Variants in CHRM3 observed in about 807,000 individuals in gnomAD.
CHRM3 encodes cholinergic receptor muscarinic 3.
A neutral mutation model predicts 41.8 loss-of-function variants in CHRM3; 11 were observed. The ratio of observed to expected loss-of-function variants is 0.26; its 90% CI spans 0.17 to 0.44. The LOEUF (loss-of-function observed/expected upper bound fraction) is 0.44, where lower values mean the gene tolerates loss of function less well. Among genes scored for constraint, CHRM3 ranks in the 20% least tolerant of loss-of-function variants. The probability of loss-of-function intolerance (pLI) is 1.00; values close to 1 mark genes in which losing one functional copy is unlikely to be tolerated. For synonymous variants in CHRM3, 297 were observed against 301.4 expected, an observed-to-expected ratio of 0.99 and a Z score of 0.15; for missense variants, 571 against 745.4, an observed-to-expected ratio of 0.77 and a Z score of 2.72.
At chr1:239,627,947 A>G (rs1669197004) in intron 3 of CHRM3, among the ~76,000 whole-genome samples, 1 of 140,712 alleles carries the variant, frequency 7.1e-6, no homozygotes, top group Non-Finnish European at 1.5e-5. Flanking sequence ...TTTTTCCTTC[A>G]TTTCAACTTT....
chr1:239,596,009 A>G (rs1044056473), intron 3 of CHRM3, among the ~76,000 whole-genome samples: 6 of 152,216 alleles, frequency 3.9e-5, no homozygotes, highest in Admixed American at 3.9e-4. Context: ...AATCAAAGCA[A>G]AACAAAATCC....
chr1:239,539,817 A>T (rs1400005493), intron 2 of CHRM3, among the ~76,000 whole-genome samples: 29 of 151,998 alleles, frequency 1.9e-4, no homozygotes, highest in Non-Finnish European at 1.5e-5. Flanking sequence ...GGGTTTTGCC[A>T]TGTTGCCCAA....
intron 3 of CHRM3, among the ~76,000 whole-genome samples, chr1:239,618,370 GCAGCTT>G (rs1186853829): frequency 1.4e-5 from 2 of 147,136 alleles, no homozygotes; most frequent in Admixed American, 6.9e-5. Flanking sequence ...AGAGGCTGAT[GCAGCTT>G]CAGTCATGGG....
intron 3 of CHRM3, among the ~76,000 whole-genome samples, chr1:239,557,845 T>C (rs545847766): frequency 8.1e-4 from 124 of 152,326 alleles, no homozygotes; most frequent in Non-Finnish European, 1.4e-3. Context: ...TAGTATTCCA[T>C]GGTGCATATG....
At chr1:239,401,327 C>A (rs916420733) in intron 1 of CHRM3, among the ~76,000 whole-genome samples, 11 of 152,156 alleles carry the variant, frequency 7.2e-5, no homozygotes, top group African/African-American at 2.7e-4. Flanking sequence ...CTTCTTCCTC[C>A]CACACTGGCA....
At chr1:239,652,822 T>G (rs994278516) in intron 4 of CHRM3, among the ~76,000 whole-genome samples, 1 of 151,420 alleles carries the variant, frequency 6.6e-6, no homozygotes, top group Non-Finnish European at 1.5e-5. Context: ...TCTCATAAAG[T>G]CGTGAAAACC....
chr1:239,698,318 A>C (rs773424538), intron 5 of CHRM3, among the ~76,000 whole-genome samples: 3 of 152,212 alleles, frequency 2.0e-5, no homozygotes, highest in Non-Finnish European at 4.4e-5. Flanking sequence ...ATTAGTCTAC[A>C]AGGAAATATT....
intron 5 of CHRM3, among the ~76,000 whole-genome samples, chr1:239,810,829 T>C (rs181832004): frequency 6.6e-6 from 1 of 152,352 alleles, no homozygotes; most frequent in Non-Finnish European, 1.5e-5. Flanking sequence ...CATTTGACCA[T>C]TCACATCCTG....
intron 1 of CHRM3, among the ~76,000 whole-genome samples, chr1:239,455,354 TA>T (rs1271481048): frequency 6.6e-6 from 1 of 151,196 alleles, no homozygotes; most frequent in Non-Finnish European, 1.5e-5. Flanking sequence ...CCCAGCCTTC[TA>T]CTTTTTTTTT....
chr1:239,585,056 T>TAC (rs10656985), intron 3 of CHRM3, among the ~76,000 whole-genome samples: 5,085 of 127,724 alleles, frequency 0.04, 311 homozygotes, highest in African/African-American at 0.17. Context: ...CAATTAAATA[T>TAC]ATATATATAT....
chr1:239,413,027 G>A (rs901978070), intron 1 of CHRM3, among the ~76,000 whole-genome samples: 3 of 151,354 alleles, frequency 2.0e-5, no homozygotes, highest in Non-Finnish European at 4.4e-5. Flanking sequence ...ACAGTGAGCC[G>A]AGATCCCGTC....
chr1:239,525,597 T>C (rs1199156608), intron 2 of CHRM3, among the ~76,000 whole-genome samples: 1 of 152,198 alleles, frequency 6.6e-6, no homozygotes, highest in Non-Finnish European at 1.5e-5. Context: ...GATTGTTCTT[T>C]AGAGAAAATA....
At chr1:239,525,464 A>T (rs78664890) in intron 2 of CHRM3, among the ~76,000 whole-genome samples, 17 of 121,492 alleles carry the variant, frequency 1.4e-4, no homozygotes, top group South Asian at 2.7e-4. Context: ...TCTTTTTTTT[A>T]AAATTATTTT....
intron 6 of CHRM3, among the ~76,000 whole-genome samples, chr1:239,837,665 T>C (rs1441476943): frequency 6.6e-6 from 1 of 152,250 alleles, no homozygotes; most frequent in African/African-American, 2.4e-5. Context: ...GCTTAAGTAC[T>C]TAACTACATA....
chr1:239,875,629 G>A (rs1340248090), intron 6 of CHRM3, among the ~76,000 whole-genome samples: 1 of 152,176 alleles, frequency 6.6e-6, no homozygotes, highest in Non-Finnish European at 1.5e-5. Flanking sequence ...ACTGAACTGG[G>A]TCTTGTATTG....
At chr1:239,873,680 A>G (rs1403191259) in intron 6 of CHRM3, among the ~76,000 whole-genome samples, 1 of 152,186 alleles carries the variant, frequency 6.6e-6, no homozygotes, top group Admixed American at 6.5e-5. Flanking sequence ...TTCAGGTGAC[A>G]GTCAAAACTC....
chr1:239,425,249 T>A (rs1230028717), intron 1 of CHRM3, among the ~76,000 whole-genome samples: 1 of 152,178 alleles, frequency 6.6e-6, no homozygotes. Context: ...CTCATTGACA[T>A]CTCTTCCTTT....
rs1414681737 is a variant in CHRM3, at chr1:239,911,098, C to T, written c.*1874C>T. The T allele has an allele frequency of 6.0e-6, 1 of 166,924 alleles. No individual in the cohort carries two copies. The highest frequency in any genetic ancestry group is 1.9e-4 in the East Asian group (1 of 5,190). 10.3% of individuals were successfully genotyped at this position (166,924 alleles called of 1,614,324 possible). A position where few individuals can be genotyped will look rare whatever the true frequency, so the allele number is the denominator to read the frequency against. ...CTTTCCTGTGGCTAAGAAGAAGAAA[C>T]ATGTCATCCTGTTGGCATCACCAAG... On this transcript the variant is annotated 3_prime_UTR_variant, in exon 7 of 7. Transcript: ENST00000676153.
intron 6 of CHRM3, among the ~76,000 whole-genome samples, chr1:239,855,364 T>G (rs1370526927): frequency 6.6e-6 from 1 of 152,188 alleles, no homozygotes; most frequent in Non-Finnish European, 1.5e-5. Context: ...TTTACCTAAC[T>G]CAGTGTTGAC....
Sources: allele counts gnomAD v4.1 joint callset (sites outside exome capture counted in the v4.1 genomes callset), GRCh38; gene constraint gnomAD v4.1.1; transcripts MANE v1.5; gene names NCBI Gene and HGNC (gene_info 2026-07-23, HGNC 2026-07-21).